Variants in ELP4 observed in about 807,000 individuals in gnomAD.
The protein encoded by ELP4 is elongator acetyltransferase complex subunit 4.
Under a neutral mutation model 48.9 loss-of-function variants are expected in ELP4, and 51 were observed. That is an observed-to-expected ratio of 1.04 (90% CI 0.83 to 1.32). The LOEUF is 1.32. Among genes scored for constraint, ELP4 ranks in the 40% most tolerant of loss-of-function variants. The probability of loss-of-function intolerance (pLI) is 0.00; values close to 1 mark genes in which losing one functional copy is unlikely to be tolerated. For missense variants in ELP4, 519 were observed against 514.6 expected, an observed-to-expected ratio of 1.01 and a Z score of -0.08; for synonymous variants, 210 against 189.2, an observed-to-expected ratio of 1.11 and a Z score of -0.90.
rs1326814295 is a variant in ELP4 at position 31,615,657 on chromosome 11, TC to T, written c.654-11451del. ...GAAAAGTTTATTTGGAGATCAATTCTCCTTAGATGTAGGCCCCTAAATGAAC... is the reference window on the plus strand; with the variant it reads ...GAAAAGTTTATTTGGAGATCAATTCTCTTAGATGTAGGCCCCTAAATGAAC... On this transcript the variant is annotated intron_variant, in intron 5 of 9. Transcript: ENST00000640961. 2.0e-5 allele frequency among the ~76,000 whole-genome samples: 3 copies of T among 152,158 alleles called. No homozygotes were observed. In the East Asian group the frequency reaches 5.8e-4, roughly 29 times the overall value.
chr11:31,682,337 A>G (rs1460685845), intron 9 of ELP4, among the ~76,000 whole-genome samples: 1 of 152,070 alleles, frequency 6.6e-6, no homozygotes, highest in African/African-American at 2.4e-5. Context: ...ACTAGCTGCT[A>G]TTGTTAGAAA....
chr11:31,539,502 CCTAT>C, intron 2 of ELP4, among the ~76,000 whole-genome samples, 156 bp from the exon 3 acceptor site: 1 of 152,284 alleles, frequency 6.6e-6, no homozygotes, highest in Admixed American at 6.5e-5. Flanking sequence ...AGTCTCTTAG[CCTAT>C]CTATCTATGC....
chr11:31,744,687 C>T (rs1947538772), intron 9 of ELP4, among the ~76,000 whole-genome samples: 1 of 152,214 alleles, frequency 6.6e-6, no homozygotes, highest in African/African-American at 2.4e-5. Context: ...CAAAATTCAA[C>T]AATGCTTCAT....
At chr11:31,763,612 A>G in intron 9 of ELP4, 2 of 1,481,874 alleles carry the variant, frequency 1.3e-6, no homozygotes, top group South Asian at 1.4e-5. Context: ...TCTCATTAAG[A>G]AGGGAATGTT....
At chr11:31,598,100 T>A (rs1957708590) in intron 4 of ELP4, among the ~76,000 whole-genome samples, 1 of 151,824 alleles carries the variant, frequency 6.6e-6, no homozygotes, top group South Asian at 2.1e-4. Context: ...GGATTACAGA[T>A]GCACACCACC....
At chr11:31,543,138 A>T (rs2133911867) in intron 3 of ELP4, among the ~76,000 whole-genome samples, 1 of 152,332 alleles carries the variant, frequency 6.6e-6, no homozygotes, top group East Asian at 1.9e-4. Context: ...TTTTTGCATT[A>T]GTGAGCTGTA....
At chr11:31,540,985 T>A (rs1204437999) in intron 3 of ELP4, among the ~76,000 whole-genome samples, 2 of 152,224 alleles carry the variant, frequency 1.3e-5, no homozygotes, top group African/African-American at 4.8e-5. Context: ...AATTCTTAGT[T>A]TCTTTGTCCA....
chr11:31,758,062 G>T (rs912076062), intron 9 of ELP4, among the ~76,000 whole-genome samples: 8 of 151,978 alleles, frequency 5.3e-5, no homozygotes, highest in Non-Finnish European at 8.8e-5. Flanking sequence ...AACAATTCAG[G>T]ACTATATTAA....
chr11:31,558,761 A>G (rs796279720), intron 3 of ELP4, among the ~76,000 whole-genome samples: 8 of 152,272 alleles, frequency 5.3e-5, no homozygotes, highest in African/African-American at 1.4e-4. Context: ...TAGTCCTCCA[A>G]TTTAATTTAA....
chr11:31,709,990 C>G (rs1365538029), intron 9 of ELP4, among the ~76,000 whole-genome samples: 1 of 152,126 alleles, frequency 6.6e-6, no homozygotes, highest in Non-Finnish European at 1.5e-5. Context: ...TGTTGCCTTC[C>G]TTGCACTTAT....
chr11:31,659,288 A>G lies in ELP4; in HGVS notation c.1143+9067A>G, dbSNP rs940793855. On this transcript the variant is annotated intron_variant, in intron 9 of 9. Coordinates refer to ENST00000640961, the MANE Select transcript of ELP4 (RefSeq NM_019040.5). ...AGAGTAGCCAGTTTAGGTTCTTTGT[A>G]TCTGGTATCGTGAAATTCACTGAAC... 2.6e-5 allele frequency among the ~76,000 whole-genome samples: 4 copies of G among 152,226 alleles called. No individual in the cohort carries two copies. In the East Asian group the frequency reaches 5.8e-4, roughly 22 times the overall value.
intron 7 of ELP4, among the ~76,000 whole-genome samples, chr11:31,645,271 C>G (rs903286596): frequency 2.0e-5 from 3 of 151,750 alleles, no homozygotes; most frequent in African/African-American, 7.2e-5. Flanking sequence ...TTAGAATTCA[C>G]TAGTTTTCCC....
Position 31,723,541 on chromosome 11 carries a change from A to G in ELP4, c.1144-59852A>G, listed in dbSNP as rs572478557. Among the ~76,000 whole-genome samples the G allele has an allele frequency of 1.1e-3, 164 of 152,324 alleles. 2 individuals are homozygous for G. Among genetic ancestry groups the G allele is most frequent in the Non-Finnish European group, 1.6e-4 (11 of 68,030 alleles). ...TGGACCCACCTGCTGGATAGACCCA[A>G]TCTACCTACAATAAAATAATGGCTA... On this transcript the variant is annotated intron_variant, in intron 9 of 9. Transcript: ENST00000640961.
At chr11:31,746,347 A>G (rs957270392) in intron 9 of ELP4, among the ~76,000 whole-genome samples, 1 of 152,242 alleles carries the variant, frequency 6.6e-6, no homozygotes, top group Non-Finnish European at 1.5e-5. Context: ...TCACGGATCT[A>G]GAACTAGAAA....
At chr11:31,609,044 G>A (rs1592155559) in intron 5 of ELP4, among the ~76,000 whole-genome samples, 1 of 152,062 alleles carries the variant, frequency 6.6e-6, no homozygotes, top group Non-Finnish European at 1.5e-5. Flanking sequence ...TGATCTGTTA[G>A]CCTGGTTGTT....
At chr11:31,629,847 G>A (rs546868116) in intron 6 of ELP4, among the ~76,000 whole-genome samples, 1 of 149,724 alleles carries the variant, frequency 6.7e-6, no homozygotes, top group South Asian at 2.1e-4. Context: ...GTTATCATGA[G>A]ATAACAAATT....
intron 9 of ELP4, among the ~76,000 whole-genome samples, chr11:31,730,228 A>G (rs1050018852): frequency 6.6e-6 from 1 of 152,124 alleles, no homozygotes; most frequent in African/African-American, 2.4e-5. Flanking sequence ...TAATTTATAA[A>G]CAATAGACAT....
intron 9 of ELP4, among the ~76,000 whole-genome samples, chr11:31,664,897 C>T (rs1945638965): frequency 6.6e-6 from 1 of 152,072 alleles, no homozygotes; most frequent in Admixed American, 6.6e-5. Flanking sequence ...AAATATTAAT[C>T]AATGCGCAAT....
intron 9 of ELP4, chr11:31,763,261 A>G: frequency 1.9e-6 from 1 of 534,120 alleles, no homozygotes; most frequent in East Asian, 3.4e-5. Flanking sequence ...ATTTGTTGCA[A>G]ATATTTAGGA....
Sources: allele counts gnomAD v4.1 joint callset (sites outside exome capture counted in the v4.1 genomes callset), GRCh38; gene constraint gnomAD v4.1.1; transcripts MANE v1.5; gene names NCBI Gene and HGNC (gene_info 2026-07-23, HGNC 2026-07-21).